PTPRT: variants seen among roughly 807,000 people sequenced by gnomAD.
PTPRT encodes receptor-type tyrosine-protein phosphatase T.
Under a neutral mutation model 176.8 loss-of-function variants are expected in PTPRT, and 56 were observed. That is an observed-to-expected ratio of 0.32 (90% CI 0.26 to 0.40). The LOEUF is 0.40. Among genes scored for constraint, PTPRT ranks in the 10% least tolerant of loss-of-function variants. PTPRT has a pLI of 1.00. For missense variants in PTPRT, 1,540 were observed against 1,908.2 expected (o/e 0.81, Z 3.60); for synonymous variants, 783 against 739.0 (o/e 1.06, Z -0.96).
At position 42,404,746 on chromosome 20, in the gene PTPRT, T is replaced by C. The variant is rs761489606; in HGVS notation, c.1560+43474A>G. On this transcript the variant is annotated intron_variant, in intron 9 of 30. Coordinates refer to ENST00000373187, the MANE Select transcript of PTPRT (RefSeq NM_007050.6). ...TAAATATGACTGCTATGTCTTATAA[T>C]TTTCAAAATGTCAATTGAAATTCCC... is the stretch of plus-strand genomic sequence containing the variant. Among the ~76,000 whole-genome samples, 61 of 152,166 alleles carry C rather than the reference T, an allele frequency of 4.0e-4. 1 individual carries two copies. The Middle Eastern group carries it at 0.01, about 25-fold the overall frequency.
intron 16 of PTPRT, among the ~76,000 whole-genome samples, chr20:42,181,603 T>C (rs1392112789): frequency 6.6e-6 from 1 of 152,186 alleles, no homozygotes; most frequent in East Asian, 1.9e-4. Context: ...GTCCCAGCAA[T>C]GCATAAGATC....
rs1396259526 is a variant in PTPRT at position 42,074,100 on chromosome 20, C to G, written c.*6779G>C. 2.2e-5 allele frequency: 5 copies of G among 229,290 alleles called. No individual in the cohort carries two copies. Among genetic ancestry groups the G allele is most frequent in the African/African-American group, 1.1e-4 (5 of 45,090 alleles). 14.2% of individuals were successfully genotyped at this position (229,290 alleles called of 1,614,324 possible). On this transcript the variant is annotated 3_prime_UTR_variant, in exon 31 of 31. Transcript: ENST00000373187. ...GGAAGATATGGACACCATATTCTGC[C>G]TGACCCCTCAGAAGCCTAACTTTAC... is the stretch of plus-strand genomic sequence containing the variant.
intron 14 of PTPRT, among the ~76,000 whole-genome samples, chr20:42,247,565 G>A (rs934690589): frequency 7.2e-5 from 11 of 152,196 alleles, no homozygotes; most frequent in South Asian, 2.1e-4. Context: ...TGTTCTTGGG[G>A]TTGCCCTGAA....
At chr20:42,970,017 A>G (rs930904157) in intron 1 of PTPRT, among the ~76,000 whole-genome samples, 3 of 152,184 alleles carry the variant, frequency 2.0e-5, no homozygotes, top group Non-Finnish European at 2.9e-5. Flanking sequence ...CAAAAGCAGC[A>G]GATGAAGGTT....
chr20:42,834,035 T>A (rs1163210758), intron 2 of PTPRT, among the ~76,000 whole-genome samples: 1 of 152,124 alleles, frequency 6.6e-6, no homozygotes, highest in Non-Finnish European at 1.5e-5. Context: ...AATTAAAATA[T>A]TTTGCTCTGT....
intron 7 of PTPRT, among the ~76,000 whole-genome samples, chr20:42,651,562 C>T (rs1438633130): frequency 6.6e-6 from 1 of 152,162 alleles, no homozygotes; most frequent in Non-Finnish European, 1.5e-5. Flanking sequence ...TGATTACAAG[C>T]CCAGTGAGGT....
intron 6 of PTPRT, among the ~76,000 whole-genome samples, chr20:42,736,024 T>C (rs1001544214): frequency 6.6e-6 from 1 of 152,128 alleles, no homozygotes; most frequent in African/African-American, 2.4e-5. Flanking sequence ...AAAGAACTAT[T>C]TGATTTCATG....
chr20:42,960,711 G>A (rs1981936946), intron 1 of PTPRT, among the ~76,000 whole-genome samples: 1 of 152,074 alleles, frequency 6.6e-6, no homozygotes, highest in Non-Finnish European at 1.5e-5. Context: ...CAGCCCTTAA[G>A]CAACTGGGTT....
intron 1 of PTPRT, among the ~76,000 whole-genome samples, chr20:43,125,565 T>C (rs2146367331): frequency 6.6e-6 from 1 of 152,350 alleles, no homozygotes; most frequent in South Asian, 2.1e-4. Flanking sequence ...TAGACTTGGC[T>C]TGAGCAAAAC....
chr20:43,049,846 C>A (rs1439149112), intron 1 of PTPRT, among the ~76,000 whole-genome samples: 1 of 152,194 alleles, frequency 6.6e-6, no homozygotes, highest in East Asian at 1.9e-4. Flanking sequence ...GACCTAGGCT[C>A]AAGGACCTGC....
chr20:42,553,091 C>G (rs927790900), intron 7 of PTPRT, among the ~76,000 whole-genome samples: 55 of 151,998 alleles, frequency 3.6e-4, no homozygotes, highest in African/African-American at 1.3e-3. Flanking sequence ...TAGGAATTTA[C>G]CTGAAAGAAT....
rs1197391909 is a variant in PTPRT at position 42,634,332 on chromosome 20, C to T, written c.1153+43534G>A. Among the ~76,000 whole-genome samples, 6 of 149,238 alleles carry T rather than the reference C, an allele frequency of 4.0e-5. No individual in the cohort carries two copies. The South Asian group carries it at 8.4e-4, about 21-fold the overall frequency. ...TAAGTATGAGTTGGTGCACTACCCC[C>T]TATTTCTCTCTTTCTTTGTCACAGA... On this transcript the variant is annotated intron_variant, in intron 7 of 30. Transcript: ENST00000373187.
At chr20:42,843,308 A>AT (rs2078311808) in intron 2 of PTPRT, among the ~76,000 whole-genome samples, 1 of 152,174 alleles carries the variant, frequency 6.6e-6, no homozygotes, top group Non-Finnish European at 1.5e-5. Context: ...TCGTATGCTG[A>AT]TGGATTCAGG....
intron 1 of PTPRT, among the ~76,000 whole-genome samples, chr20:43,183,597 G>A (rs141222711): frequency 1.3e-5 from 2 of 152,250 alleles, no homozygotes; most frequent in East Asian, 1.9e-4. Flanking sequence ...AGAGTTACAC[G>A]ACCATCACCA....
In PTPRT at chr20:42,627,988, G is replaced by T. The variant is rs531171151; in HGVS notation, c.1153+49878C>A. On this transcript the variant is annotated intron_variant, in intron 7 of 30. Coordinates refer to ENST00000373187, the MANE Select transcript of PTPRT (RefSeq NM_007050.6). Reference sequence around the variant, plus strand: ...AAGGTTTCATCCATCCGTAATGCCTGCTGGGACAACTGGGAGAACAGGTCA... The same window carrying T: ...AAGGTTTCATCCATCCGTAATGCCTTCTGGGACAACTGGGAGAACAGGTCA... Among the ~76,000 whole-genome samples the T allele has an allele frequency of 4.1e-4, 62 of 152,242 alleles. 2 individuals are homozygous for T. The South Asian group carries it at 5.0e-3, about 12-fold the overall frequency.
intron 9 of PTPRT, among the ~76,000 whole-genome samples, chr20:42,434,526 C>T (rs1274723812): frequency 6.6e-6 from 1 of 151,984 alleles, no homozygotes; most frequent in East Asian, 1.9e-4. Flanking sequence ...AGACTTGGGA[C>T]ATAATCTTAT....
chr20:42,808,920 C>T (rs149554358), intron 2 of PTPRT, among the ~76,000 whole-genome samples: 7 of 152,266 alleles, frequency 4.6e-5, no homozygotes, highest in South Asian at 2.1e-4. Context: ...TCTCAGCTGC[C>T]GGAGGGAGGC....
intron 12 of PTPRT, among the ~76,000 whole-genome samples, chr20:42,293,583 T>C (rs2057347533): frequency 6.6e-6 from 1 of 152,176 alleles, no homozygotes; most frequent in African/African-American, 2.4e-5. Flanking sequence ...TTATAATAAA[T>C]TGCAAGGATT....
At chr20:42,921,154 G>T (rs375047386) in intron 1 of PTPRT, among the ~76,000 whole-genome samples, 46 of 152,288 alleles carry the variant, frequency 3.0e-4, no homozygotes, top group African/African-American at 1.1e-3. Flanking sequence ...GCAGGGGCTG[G>T]ACATTAAAAT....
Sources: allele counts gnomAD v4.1 joint callset (sites outside exome capture counted in the v4.1 genomes callset), GRCh38; gene constraint gnomAD v4.1.1; transcripts MANE v1.5; gene names NCBI Gene and HGNC (gene_info 2026-07-23, HGNC 2026-07-21).